The following COL8A1 variants were observed in gnomAD, a reference collection of about 807,000 sequenced individuals.
The protein encoded by COL8A1 is collagen type VIII alpha 1 chain, also known as collagen alpha-1(VIII) chain.
Under a neutral mutation model 42.7 loss-of-function variants are expected in COL8A1, and 21 were observed. The observed-to-expected ratio is 0.49, with a 90% CI of 0.35 to 0.71. The LOEUF (loss-of-function observed/expected upper bound fraction) is 0.71. Ranked by LOEUF, COL8A1 falls within the 30% of genes least tolerant of loss-of-function variation. The pLI, the probability that COL8A1 is intolerant of heterozygous loss-of-function variation, is 0.01. For missense variants in COL8A1, 788 were observed against 962.4 expected (o/e 0.82, Z 2.40); for synonymous variants, 367 against 369.1 (o/e 0.99, Z 0.06).
intron 1 of COL8A1, among the ~76,000 whole-genome samples, chr3:99,736,000 C>T (rs1223402387): frequency 8.7e-5 from 13 of 149,966 alleles, no homozygotes; most frequent in Admixed American, 4.0e-4. Flanking sequence ...TGGTGATATC[C>T]CCTTTATCAT....
chr3:99,754,730 C>T (rs186195665), intron 2 of COL8A1, among the ~76,000 whole-genome samples: 3 of 152,336 alleles, frequency 2.0e-5, no homozygotes, highest in Admixed American at 2.0e-4. Flanking sequence ...CCCCCTCTCA[C>T]TCCAACCTTC....
chr3:99,737,460 G>A (rs1482899635), intron 1 of COL8A1, among the ~76,000 whole-genome samples: 1 of 152,022 alleles, frequency 6.6e-6, no homozygotes, highest in Non-Finnish European at 1.5e-5. Context: ...TGTCTGTAAA[G>A]TATTTTATTT....
At chr3:99,684,405 T>A (rs1044258985) in intron 1 of COL8A1, among the ~76,000 whole-genome samples, 7 of 152,184 alleles carry the variant, frequency 4.6e-5, no homozygotes, top group Non-Finnish European at 8.8e-5. Flanking sequence ...CAAATGTATC[T>A]CTCTGCCTGC....
chr3:99,738,133 T>A (rs1479454866), intron 1 of COL8A1, among the ~76,000 whole-genome samples: 1 of 152,184 alleles, frequency 6.6e-6, no homozygotes, highest in African/African-American at 2.4e-5. Context: ...TCTTCTAAAT[T>A]TTTTCAAAGT....
chr3:99,761,886 A>G (rs947343102), intron 2 of COL8A1, among the ~76,000 whole-genome samples: 2 of 152,182 alleles, frequency 1.3e-5, no homozygotes, highest in Non-Finnish European at 2.9e-5. Context: ...AATTTCACAT[A>G]TGCTGCTCAG....
intron 2 of COL8A1, among the ~76,000 whole-genome samples, chr3:99,764,935 C>T (rs143063977): frequency 6.6e-6 from 1 of 151,988 alleles, no homozygotes; most frequent in South Asian, 2.1e-4. Context: ...TCCCATAATT[C>T]AAGTATAAAT....
Position 99,713,546 on chromosome 3 carries a change from C to A in COL8A1, c.-128-31351C>A, listed in dbSNP as rs1323159438. On this transcript the variant is annotated intron_variant, in intron 1 of 3. Coordinates refer to ENST00000652472, the MANE Select transcript of COL8A1 (RefSeq NM_020351.4). ...GGAATAAAGCTACAAACTCTTACAG[C>A]AAGGTTACTTGAAACCTGCATCAGT... Among the ~76,000 whole-genome samples the A allele has an allele frequency of 2.0e-5, 3 of 152,094 alleles. 1 individual carries two copies. Among genetic ancestry groups the A allele is most frequent in the Admixed American group, 2.0e-4 (3 of 15,252 alleles).
Position 99,794,153 on chromosome 3 carries a change from A to C in COL8A1, c.329-77A>C, listed in dbSNP as rs182416190. On this transcript the variant is annotated intron_variant, in intron 3 of 3. Transcript: ENST00000652472. The surrounding 1 kb of genome is among the most constrained non-coding windows in gnomAD (Gnocchi z 4.3). ...ACTAAATAATGGTTGTCAGTACTTC[A>C]TTGATGTGAGAGACAATCTACTAAT... The C allele has an allele frequency of 8.1e-4, 732 of 906,586 alleles. 6 individuals carry two copies. The African/African-American group carries it at 0.011, about 13-fold the overall frequency. The allele number at this position is 906,586 out of a possible 1,614,324, so 56.2% of individuals were successfully genotyped here. A position where few individuals can be genotyped will look rare whatever the true frequency, so the allele number is the denominator to read the frequency against.
intron 1 of COL8A1, among the ~76,000 whole-genome samples, chr3:99,718,096 A>G (rs1940052517): frequency 6.6e-6 from 1 of 151,744 alleles, no homozygotes; most frequent in African/African-American, 2.4e-5. Context: ...CCTCCATAAT[A>G]TCTTCCCTCA....
At chr3:99,713,191 A>T (rs1939896597) in intron 1 of COL8A1, among the ~76,000 whole-genome samples, 1 of 152,086 alleles carries the variant, frequency 6.6e-6, no homozygotes, top group Non-Finnish European at 1.5e-5. Flanking sequence ...AAGGAGGCTG[A>T]GGAACAGAGA....
At chr3:99,749,474 T>A (rs1445880200) in intron 2 of COL8A1, among the ~76,000 whole-genome samples, 1 of 152,194 alleles carries the variant, frequency 6.6e-6, no homozygotes, top group Non-Finnish European at 1.5e-5. Flanking sequence ...CAGGAACAGT[T>A]CTAGACACTG....
In COL8A1 at chr3:99,645,697, A is replaced by T. The variant is rs574239451; in HGVS notation, c.-129+7033A>T. ...AGATCACATTGTTAGTTTTCTTTTT[A>T]AAAAAAAAAAAAAAATCCTAATTTA... On this transcript the variant is annotated intron_variant, in intron 1 of 3. Coordinates refer to ENST00000652472, the MANE Select transcript of COL8A1 (RefSeq NM_020351.4). Among the ~76,000 whole-genome samples, 571 of 89,070 alleles carry T rather than the reference A, an allele frequency of 6.4e-3. 4 individuals carry two copies. Among genetic ancestry groups the T allele is most frequent in the East Asian group, 0.046 (113 of 2,468 alleles). The allele number at this position is 89,070 out of a possible 152,430, so 58.4% of individuals were successfully genotyped here.
At chr3:99,713,866 G>A (rs35640679) in intron 1 of COL8A1, among the ~76,000 whole-genome samples, 13,013 of 152,102 alleles carry the variant, frequency 0.086, 637 homozygotes, top group Middle Eastern at 0.11. Flanking sequence ...ACTTGCCCCA[G>A]GCTGGCCACT....
At chr3:99,736,401 C>A (rs1431351321) in intron 1 of COL8A1, among the ~76,000 whole-genome samples, 1 of 151,682 alleles carries the variant, frequency 6.6e-6, no homozygotes, top group Non-Finnish European at 1.5e-5. Context: ...TATTATTATA[C>A]TTTAAGTTTT....
At chr3:99,726,538 G>A (rs1317899365) in intron 1 of COL8A1, among the ~76,000 whole-genome samples, 3 of 151,784 alleles carry the variant, frequency 2.0e-5, no homozygotes, top group African/African-American at 7.3e-5. Flanking sequence ...GGTTTTAATG[G>A]TTTTAGGTCT....
intron 1 of COL8A1, among the ~76,000 whole-genome samples, chr3:99,657,827 C>A (rs1938070608): frequency 6.6e-6 from 1 of 152,122 alleles, no homozygotes; most frequent in Non-Finnish European, 1.5e-5. Flanking sequence ...GTGACTCACC[C>A]CTGTTTAAAA....
intron 1 of COL8A1, among the ~76,000 whole-genome samples, chr3:99,705,540 G>T (rs1354850499): frequency 6.6e-6 from 1 of 152,106 alleles, no homozygotes; most frequent in Non-Finnish European, 1.5e-5. Context: ...CTTTGTACTT[G>T]AATTATTTGC....
intron 1 of COL8A1, among the ~76,000 whole-genome samples, chr3:99,661,157 T>C (rs1374355238): frequency 6.6e-6 from 1 of 152,124 alleles, no homozygotes; most frequent in Admixed American, 6.5e-5. Context: ...ATCCACAGAA[T>C]AACAAGACAG....
intron 1 of COL8A1, among the ~76,000 whole-genome samples, chr3:99,710,264 A>G (rs1347761335): frequency 6.6e-6 from 1 of 152,130 alleles, no homozygotes; most frequent in Non-Finnish European, 1.5e-5. Flanking sequence ...CTACTCACCA[A>G]ATATTCTCTT....
Sources: gnomAD v4.1 joint callset for allele counts (sites outside exome capture counted in the v4.1 genomes callset) on GRCh38, gnomAD v4.1.1 for gene constraint, Gnocchi (gnomAD v3.1) non-coding constraint, MANE v1.5 for transcripts, NCBI Gene and HGNC (gene_info 2026-07-23, HGNC 2026-07-21) for gene names.